Variants in SLCO6A1 observed in about 807,000 individuals in gnomAD.
The protein encoded by SLCO6A1 is solute carrier organic anion transporter family member 6A1.
A neutral mutation model predicts 72.7 loss-of-function variants in SLCO6A1; 65 were observed. That is an observed-to-expected ratio of 0.89 (90% CI 0.73 to 1.10). The LOEUF is 1.10. Among genes scored for constraint, SLCO6A1 ranks in the 50% least tolerant of loss-of-function variants. The pLI, the probability that SLCO6A1 is intolerant of heterozygous loss-of-function variation, is 0.00. For synonymous variants in SLCO6A1, 314 were observed against 298.2 expected (o/e 1.05, Z -0.55); for missense variants, 874 against 872.6 (o/e 1.00, Z -0.02).
rs550310585 is a variant in SLCO6A1 at position 102,493,066 on chromosome 5, T to TA, written c.358+5420dup. On this transcript the variant is annotated intron_variant, in intron 1 of 13. Transcript: ENST00000506729. ...ATGTACCCTAGAACTTAAAGTGTAT[T>TA]AAAAAAAATACTACACAAAGGGTAC... Among the ~76,000 whole-genome samples the TA allele has an allele frequency of 5.5e-4, 84 of 151,962 alleles. 1 individual carries two copies. The South Asian group carries it at 0.013, about 23-fold the overall frequency.
rs545759809 is a variant in SLCO6A1 at position 102,492,608 on chromosome 5, G to A, written c.358+5879C>T. ...GGAGGCATTGCCTCACCTGGGAAGT[G>A]CAAGGGGTCAGAGAATTCCCTTTCC... On this transcript the variant is annotated intron_variant, in intron 1 of 13. Coordinates refer to ENST00000506729, the MANE Select transcript of SLCO6A1 (RefSeq NM_173488.5). Among the ~76,000 whole-genome samples, 315 of 152,286 alleles carry A rather than the reference G, an allele frequency of 2.1e-3. 3 individuals carry two copies. The highest frequency in any genetic ancestry group is 7.2e-3 in the African/African-American group (299 of 41,568).
chr5:102,484,849 T>A (rs1323506143), intron 1 of SLCO6A1, among the ~76,000 whole-genome samples: 1 of 152,170 alleles, frequency 6.6e-6, no homozygotes, highest in African/African-American at 2.4e-5. Context: ...GTGATTCATA[T>A]CTTTTCTGAA....
At chr5:102,427,864 ATTTTTTTTTTTTTTTTT>A (rs1200200259) in intron 7 of SLCO6A1, among the ~76,000 whole-genome samples, 4 of 76,264 alleles carry the variant, frequency 5.2e-5, no homozygotes, top group Non-Finnish European at 9.6e-5. Context: ...ATATATATAT[ATTTTTTTTTTTTTTTTT>A]TTTTTTGAGA....
chr5:102,486,368 T>C (rs1230125107), intron 1 of SLCO6A1, among the ~76,000 whole-genome samples: 2 of 152,128 alleles, frequency 1.3e-5, no homozygotes, highest in African/African-American at 4.8e-5. Context: ...TTTTCAATAA[T>C]TAAAATTCAA....
chr5:102,457,733 C>T (rs1750805271), intron 6 of SLCO6A1, among the ~76,000 whole-genome samples: 1 of 152,054 alleles, frequency 6.6e-6, no homozygotes. Context: ...ACCATTTGAC[C>T]CAGCAATCCC....
chr5:102,396,879 G>A (rs916320384), intron 10 of SLCO6A1, among the ~76,000 whole-genome samples: 6 of 152,168 alleles, frequency 3.9e-5, no homozygotes, highest in Non-Finnish European at 8.8e-5. Flanking sequence ...GGGGCTGAGT[G>A]TGTTAGCTCA....
intron 12 of SLCO6A1, among the ~76,000 whole-genome samples, chr5:102,384,881 ATT>A (rs1370453164): frequency 1.3e-5 from 2 of 152,056 alleles, no homozygotes; most frequent in Non-Finnish European, 2.9e-5. Flanking sequence ...TCCCTTTAGC[ATT>A]TCTCTCTCTT....
intron 6 of SLCO6A1, among the ~76,000 whole-genome samples, chr5:102,456,257 G>C (rs1750706817): frequency 6.6e-6 from 1 of 152,150 alleles, no homozygotes. Context: ...TCTGGCCAGG[G>C]CAATCAGGTA....
At chr5:102,379,000 C>T (rs768190250) in intron 12 of SLCO6A1, among the ~76,000 whole-genome samples, 1 of 151,938 alleles carries the variant, frequency 6.6e-6, no homozygotes, top group East Asian at 1.9e-4. Flanking sequence ...AGGATGGTCT[C>T]GAACACATGA....
intron 12 of SLCO6A1, among the ~76,000 whole-genome samples, chr5:102,378,454 AC>A (rs1226735728): frequency 6.6e-6 from 1 of 152,070 alleles, no homozygotes; most frequent in East Asian, 1.9e-4. Context: ...TTTTTTACAA[AC>A]CAAACAGTGT....
chr5:102,456,969 T>C (rs1173871930), intron 6 of SLCO6A1, among the ~76,000 whole-genome samples: 1 of 152,158 alleles, frequency 6.6e-6, no homozygotes, highest in African/African-American at 2.4e-5. Flanking sequence ...CCATCTGATC[T>C]TTGACAAACC....
In SLCO6A1 at chr5:102,474,186, G is replaced by A. The variant is rs545375835; in HGVS notation, c.899+1511C>T. Among the ~76,000 whole-genome samples, 20 of 152,098 alleles carry A rather than the reference G, an allele frequency of 1.3e-4. No homozygotes were observed. The South Asian group carries it at 4.1e-3, about 32-fold the overall frequency. On this transcript the variant is annotated intron_variant, in intron 4 of 13. Coordinates refer to ENST00000506729, the MANE Select transcript of SLCO6A1 (RefSeq NM_173488.5). ...TTCCTGATTTCAAATATATTGCAAA[G>A]CTACAGTCCTCAAAACAGTATGGTA...
chr5:102,420,186 C>T (rs1037285277), intron 7 of SLCO6A1, among the ~76,000 whole-genome samples, 165 bp from the exon 8 acceptor site: 2 of 152,126 alleles, frequency 1.3e-5, no homozygotes, highest in Non-Finnish European at 2.9e-5. Flanking sequence ...GAACCCGAAC[C>T]TTAATAGAAA....
At position 102,465,666 on chromosome 5, in the gene SLCO6A1, C is replaced by T. The variant is rs145569502; in HGVS notation, c.900-5889G>A. On this transcript the variant is annotated intron_variant, in intron 4 of 13. Transcript: ENST00000506729. The stretch of plus-strand genomic sequence containing the variant: ...CAAAACCTAGTTGCTACTGTCCCTG[C>T]ATCATTAGTAGTGACAAGGTCTGAG... 2.9e-3 allele frequency among the ~76,000 whole-genome samples: 442 copies of T among 152,218 alleles called. 4 individuals are homozygous for T. Among genetic ancestry groups the T allele is most frequent in the Admixed American group, 6.7e-3 (102 of 15,280 alleles).
At chr5:102,398,845 C>T (rs1271292956) in intron 10 of SLCO6A1, among the ~76,000 whole-genome samples, 1 of 151,996 alleles carries the variant, frequency 6.6e-6, no homozygotes, top group Non-Finnish European at 1.5e-5. Context: ...CATGAGAAAT[C>T]ATTTATCTTT....
intron 9 of SLCO6A1, among the ~76,000 whole-genome samples, chr5:102,405,458 A>T (rs2112565846): frequency 6.6e-6 from 1 of 152,190 alleles, no homozygotes; most frequent in East Asian, 1.9e-4. Flanking sequence ...ATACAAGTAA[A>T]TCAATTATTT....
At chr5:102,422,213 TCTC>T (rs1246230824) in intron 7 of SLCO6A1, among the ~76,000 whole-genome samples, 1 of 152,100 alleles carries the variant, frequency 6.6e-6, no homozygotes, top group Non-Finnish European at 1.5e-5. Context: ...GAATGCCTCT[TCTC>T]CTCCAAAGGA....
chr5:102,459,603 A>G, intron 5 of SLCO6A1, 53 bp downstream of exon 5: 7 of 1,515,848 alleles, frequency 4.6e-6, no homozygotes, highest in Non-Finnish European at 6.2e-6. Context: ...AATAAGAACC[A>G]TGGTGGAAGA....
At chr5:102,412,965 CAT>C in intron 9 of SLCO6A1, 23 bp downstream of exon 9, 1 of 1,067,330 alleles carries the variant, frequency 9.4e-7, no homozygotes, top group Non-Finnish European at 1.2e-6. Context: ...TATAACAAAA[CAT>C]AATAATTATA....
Sources: allele counts gnomAD v4.1 joint callset (sites outside exome capture counted in the v4.1 genomes callset), GRCh38; gene constraint gnomAD v4.1.1; transcripts MANE v1.5; gene names NCBI Gene and HGNC (gene_info 2026-07-23, HGNC 2026-07-21).